DEPDC4: variants seen among roughly 807,000 people sequenced by gnomAD.
The protein encoded by DEPDC4 is DEP domain-containing protein 4.
In DEPDC4, 52 loss-of-function variants were observed where a neutral mutation model predicts 52.0. The observed-to-expected ratio is 1.00, with a 90% CI of 0.80 to 1.26. The LOEUF (loss-of-function observed/expected upper bound fraction) is 1.26, where lower values mean the gene tolerates loss of function less well. Among genes scored for constraint, DEPDC4 ranks in the 50% most tolerant of loss-of-function variants. The pLI, the probability that DEPDC4 is intolerant of heterozygous loss-of-function variation, is 0.00. For missense variants in DEPDC4, 530 were observed against 546.9 expected, an observed-to-expected ratio of 0.97 and a Z score of 0.31; for synonymous variants, 201 against 196.8, an observed-to-expected ratio of 1.02 and a Z score of -0.18.
upstream of DEPDC4, among the ~76,000 whole-genome samples, chr12:100,271,220 A>T (rs1317295228): frequency 4.8e-5 from 7 of 146,864 alleles, no homozygotes; most frequent in African/African-American, 1.8e-4. Flanking sequence ...TCTTAAGGCC[A>T]ACTCTGGCCT....
chr12:100,268,146 G>A (rs1352259456), upstream of DEPDC4, among the ~76,000 whole-genome samples: 1 of 152,166 alleles, frequency 6.6e-6, no homozygotes, highest in Non-Finnish European at 1.5e-5. Flanking sequence ...GCTTAAAAGC[G>A]CTATGCCTGT....
At chr12:100,279,143 A>G in the DEPDC4 span, among the ~76,000 whole-genome samples, 1,556 of 152,252 alleles carry the variant, frequency 0.01, 22 homozygotes, top group Non-Finnish European at 0.012. Context: ...GGATTCGTGG[A>G]AGACAGTTTT....
the DEPDC4 span, among the ~76,000 whole-genome samples, chr12:100,281,031 T>G: frequency 7.5e-6 from 1 of 133,742 alleles, no homozygotes; most frequent in Non-Finnish European, 1.6e-5. Context: ...TTTTTTTTTT[T>G]TTTTTTTTTT....
Position 100,240,992 on chromosome 12 carries a change from T to G in DEPDC4, c.*900A>C, listed in dbSNP as rs1282672161. Among the ~76,000 whole-genome samples, 2 of 152,174 alleles carry G rather than the reference T, an allele frequency of 1.3e-5. No individual in the cohort carries two copies. The highest frequency in any genetic ancestry group is 4.8e-5 in the African/African-American group (2 of 41,432). On this transcript the variant is annotated 3_prime_UTR_variant, in exon 10 of 10. Coordinates refer to ENST00000550587, the MANE Select transcript of DEPDC4 (RefSeq NM_001364818.2). The stretch of plus-strand genomic sequence containing the variant: ...TTGCTTGAACCCAGGAGGCAGAGGT[T>G]GCAGTGAGGTGAGATGGTGCCACTG...
chr12:100,258,080 G>C (rs1214550895), intron 3 of DEPDC4, among the ~76,000 whole-genome samples: 1 of 152,150 alleles, frequency 6.6e-6, no homozygotes, highest in Non-Finnish European at 1.5e-5. Context: ...GCTCACTGCT[G>C]TCTCAAACTC....
Position 100,256,233 on chromosome 12 carries a change from A to C in DEPDC4, c.701-7T>G. The C allele has an allele frequency of 6.3e-7, 1 of 1,596,114 alleles. No individual in the cohort carries two copies. The highest frequency in any genetic ancestry group is 1.1e-5 in the South Asian group (1 of 89,814). ...GTTTGTTCTTTCCAAACATCTTGAA[A>C]AGGAAAGTAATGCAATGATCAAGAT... On this transcript the variant is annotated splice_region_variant and splice_polypyrimidine_tract_variant and intron_variant, in intron 3 of 9. Coordinates refer to ENST00000550587, the MANE Select transcript of DEPDC4 (RefSeq NM_001364818.2).
chr12:100,237,265 T>C (rs2096142707), downstream of DEPDC4, among the ~76,000 whole-genome samples: 1 of 151,206 alleles, frequency 6.6e-6, no homozygotes, highest in South Asian at 2.1e-4. Flanking sequence ...TGGAGTGCAG[T>C]GGCGTGATCT....
At chr12:100,267,099 G>T, upstream of DEPDC4, 1 of 1,608,194 alleles carries the variant, frequency 6.2e-7, no homozygotes, top group Non-Finnish European at 8.5e-7. Context: ...CCTGACACCC[G>T]GGGCGGAGAG....
chr12:100,241,923 C>A, intron 9 of DEPDC4, 78 bp from the exon 10 acceptor site: 1 of 939,990 alleles, frequency 1.1e-6, no homozygotes, highest in Non-Finnish European at 1.3e-6. Flanking sequence ...CTAAACTGTA[C>A]TTATCCAAAC....
At chr12:100,266,800 G>A in intron 1 of DEPDC4, 120 bp downstream of exon 1, 2 of 1,332,764 alleles carry the variant, frequency 1.5e-6, no homozygotes, top group Non-Finnish European at 1.0e-6. Flanking sequence ...GGCAGGAAGG[G>A]GGCGGGGCTA....
chr12:100,279,400 G>A, the DEPDC4 span, among the ~76,000 whole-genome samples: 6 of 152,238 alleles, frequency 3.9e-5, no homozygotes, highest in Admixed American at 6.5e-5. Context: ...CTAATAGGCC[G>A]TGGACTGGTA....
downstream of DEPDC4, among the ~76,000 whole-genome samples, chr12:100,239,023 T>C (rs2096148461): frequency 6.6e-6 from 1 of 152,130 alleles, no homozygotes; most frequent in Non-Finnish European, 1.5e-5. Context: ...TTTCAGAAAG[T>C]GTATTGTACT....
intron 7 of DEPDC4, among the ~76,000 whole-genome samples, chr12:100,250,966 G>A (rs968422460): frequency 6.6e-6 from 1 of 152,010 alleles, no homozygotes; most frequent in Admixed American, 6.6e-5. Flanking sequence ...ATTTTTTAAT[G>A]TTTAATGTTA....
At chr12:100,260,418 G>T (rs1158028099) in intron 3 of DEPDC4, among the ~76,000 whole-genome samples, 1 of 151,662 alleles carries the variant, frequency 6.6e-6, no homozygotes, top group Non-Finnish European at 1.5e-5. Context: ...ACCGTGCCCT[G>T]GCCTTTACTG....
At chr12:100,244,274 A>G (rs932231161) in intron 8 of DEPDC4, among the ~76,000 whole-genome samples, 9 of 150,648 alleles carry the variant, frequency 6.0e-5, no homozygotes, top group East Asian at 2.0e-4. Flanking sequence ...TCTGCCTCCT[A>G]GGTTCACGCC....
upstream of DEPDC4, chr12:100,267,236 T>G (rs1194864950): frequency 4.1e-6 from 3 of 727,224 alleles, no homozygotes; most frequent in African/African-American, 3.7e-5. Context: ...ACCCCTTTCC[T>G]TCTAGCTCCG....
chr12:100,251,226 T>C (rs1191831217), intron 7 of DEPDC4, among the ~76,000 whole-genome samples: 3 of 152,012 alleles, frequency 2.0e-5, no homozygotes, highest in Non-Finnish European at 4.4e-5. Flanking sequence ...TGTATCACTG[T>C]GCCCAGCTAG....
At chr12:100,281,244 G>T in the DEPDC4 span, among the ~76,000 whole-genome samples, 1 of 151,836 alleles carries the variant, frequency 6.6e-6, no homozygotes, top group East Asian at 1.9e-4. Flanking sequence ...TCCCAGGCTG[G>T]TCTTGAACTC....
At chr12:100,272,623 A>G in the DEPDC4 span, among the ~76,000 whole-genome samples, 1 of 152,178 alleles carries the variant, frequency 6.6e-6, no homozygotes, top group Non-Finnish European at 1.5e-5. Context: ...TACATGTCCA[A>G]GTTGAGTTCT....
Sources: gnomAD v4.1 joint callset for allele counts (sites outside exome capture counted in the v4.1 genomes callset) on GRCh38, gnomAD v4.1.1 for gene constraint, MANE v1.5 for transcripts, NCBI Gene and HGNC (gene_info 2026-07-23, HGNC 2026-07-21) for gene names.